The following TCF12 variants were observed in gnomAD, a reference collection of about 807,000 sequenced individuals.
The protein encoded by TCF12 is DNA-binding protein HTF4.
In TCF12, 45 loss-of-function variants were observed where a neutral mutation model predicts 86.0. That is an observed-to-expected ratio of 0.52 (90% CI 0.41 to 0.67). The LOEUF (loss-of-function observed/expected upper bound fraction) is 0.67. Among genes scored for constraint, TCF12 ranks in the 30% least tolerant of loss-of-function variants. TCF12 has a pLI of 0.00. For synonymous variants in TCF12, 330 were observed against 299.6 expected (o/e 1.10, Z -1.05); for missense variants, 881 against 859.9 (o/e 1.02, Z -0.31).
chr15:57,220,206 T>C (rs2058526534), intron 8 of TCF12, among the ~76,000 whole-genome samples: 1 of 152,220 alleles, frequency 6.6e-6, no homozygotes, highest in South Asian at 2.1e-4. Context: ...TGTTTTTATG[T>C]TTTCGTATAT....
chr15:57,007,832 C>CTT (rs1296120556), intron 3 of TCF12, among the ~76,000 whole-genome samples: 1 of 142,198 alleles, frequency 7.0e-6, no homozygotes, highest in African/African-American at 2.6e-5. Flanking sequence ...TTCTTTCTTT[C>CTT]TTTCTTTCTC....
chr15:57,056,153 G>GTGTGTT (rs1322232735), intron 3 of TCF12, among the ~76,000 whole-genome samples: 1 of 140,934 alleles, frequency 7.1e-6, no homozygotes, highest in African/African-American at 2.5e-5. Context: ...GTGTGTGTGT[G>GTGTGTT]TTTTGAGACA....
chr15:57,065,486 C>G (rs1438181281), intron 4 of TCF12, among the ~76,000 whole-genome samples: 1 of 152,100 alleles, frequency 6.6e-6, no homozygotes, highest in African/African-American at 2.4e-5. Flanking sequence ...GTGGGAAACT[C>G]ACAGTACTAC....
At position 57,273,149 on chromosome 15, in the gene TCF12, A is replaced by G. The variant is rs750539136; in HGVS notation, c.1865A>G (p.Lys622Arg). 8 of 1,614,236 alleles carry G rather than the reference A, an allele frequency of 5.0e-6. No individual in the cohort carries two copies. Among genetic ancestry groups the G allele is most frequent in the African/African-American group, 2.7e-5 (2 of 75,068 alleles). The change falls in exon 19 of 21, where the codon AAA becomes AGA. Residue 622 changes from lysine to arginine, a missense_variant. This residue lies in a region of TCF12 where 46 missense variants were observed against 76.7 expected (regional missense o/e 0.60). Transcript: ENST00000333725. ...LRVRDINEAF[K>R]ELGRMCQLHL... ...GTGCGGGATATTAATGAAGCATTCAAAGAGCTTGGCCGAATGTGTCAGCTT... is the reference window on the plus strand; with the variant it reads ...GTGCGGGATATTAATGAAGCATTCAGAGAGCTTGGCCGAATGTGTCAGCTT...
chr15:57,197,470 A>G (rs931792747), intron 7 of TCF12, among the ~76,000 whole-genome samples: 2 of 152,064 alleles, frequency 1.3e-5, no homozygotes, highest in African/African-American at 4.8e-5. Context: ...ACAGTTTCTT[A>G]AGAAATGTTC....
intron 13 of TCF12, among the ~76,000 whole-genome samples, chr15:57,244,564 A>T (rs1566975793): frequency 6.6e-6 from 1 of 152,144 alleles, no homozygotes; most frequent in African/African-American, 2.4e-5. Flanking sequence ...GGCTCAAGGG[A>T]TTCTCCTGCC....
chr15:57,144,419 T>A (rs2053212650), intron 5 of TCF12, among the ~76,000 whole-genome samples: 1 of 152,240 alleles, frequency 6.6e-6, no homozygotes, highest in African/African-American at 2.4e-5. Context: ...AATAATTTGA[T>A]GACATCTTAC....
At chr15:57,232,629 T>C in intron 10 of TCF12, 83 bp from the exon 11 acceptor site, 1 of 1,488,972 alleles carries the variant, frequency 6.7e-7, no homozygotes, top group Non-Finnish European at 9.0e-7. Context: ...AAATGCTCTT[T>C]TTGACCTGTT....
intron 13 of TCF12, chr15:57,247,554 T>C (rs1371781182): frequency 3.3e-6 from 3 of 922,430 alleles, no homozygotes; most frequent in Non-Finnish European, 5.3e-6. Context: ...AATCCTGTCT[T>C]TTTTCCACTC....
intron 3 of TCF12, among the ~76,000 whole-genome samples, chr15:56,953,485 A>G (rs2061368109): frequency 1.3e-5 from 2 of 152,066 alleles, no homozygotes; most frequent in South Asian, 2.1e-4. Flanking sequence ...TTTGATTATA[A>G]TTAGTATTAT....
At chr15:57,120,047 A>G (rs890929173) in intron 5 of TCF12, among the ~76,000 whole-genome samples, 1 of 152,168 alleles carries the variant, frequency 6.6e-6, no homozygotes, top group Non-Finnish European at 1.5e-5. Flanking sequence ...TTTCTTTCAC[A>G]TTATTCCCCC....
chr15:56,923,494 T>C (rs1810047658), intron 3 of TCF12, among the ~76,000 whole-genome samples: 1 of 152,164 alleles, frequency 6.6e-6, no homozygotes, highest in Non-Finnish European at 1.5e-5. Context: ...TCACTTGGTA[T>C]GATAGGCTCT....
intron 5 of TCF12, among the ~76,000 whole-genome samples, chr15:57,139,390 C>T (rs1716129824): frequency 6.6e-6 from 1 of 152,098 alleles, no homozygotes; most frequent in African/African-American, 2.4e-5. Flanking sequence ...ATACATATAA[C>T]TAGATTTCAG....
At position 57,226,069 on chromosome 15, in the gene TCF12, A is replaced by G; in HGVS notation, c.580-5083A>G. On this transcript the variant is annotated intron_variant, in intron 8 of 20. Coordinates refer to ENST00000333725, the MANE Select transcript of TCF12 (RefSeq NM_207037.2). ...ATAATTTAAACACTAAAAATCTTAA[A>G]ATTACCTAGTTTTTTGAATGCTGAC... Among the ~76,000 whole-genome samples the G allele has an allele frequency of 2.7e-5, 4 of 149,272 alleles. 1 individual carries two copies. The South Asian group carries it at 8.5e-4, about 32-fold the overall frequency.
At chr15:56,933,050 T>G (rs1048845830) in intron 3 of TCF12, among the ~76,000 whole-genome samples, 8 of 152,218 alleles carry the variant, frequency 5.3e-5, no homozygotes, top group African/African-American at 1.7e-4. Flanking sequence ...AATATGAAAT[T>G]TGATAGTTGG....
intron 3 of TCF12, among the ~76,000 whole-genome samples, chr15:56,947,638 A>G (rs1334252771): frequency 3.3e-5 from 5 of 152,102 alleles, no homozygotes; most frequent in Non-Finnish European, 5.9e-5. Flanking sequence ...TGTGTTTTCT[A>G]ATTTTTTAAT....
chr15:57,276,576 C>A (rs2061404870), intron 19 of TCF12, among the ~76,000 whole-genome samples: 1 of 152,004 alleles, frequency 6.6e-6, no homozygotes, highest in Non-Finnish European at 1.5e-5. Context: ...TTCTTAAATG[C>A]CCCGAAGTTA....
chr15:57,155,985 C>T (rs541688081), intron 5 of TCF12, among the ~76,000 whole-genome samples: 108 of 152,130 alleles, frequency 7.1e-4, no homozygotes, highest in Non-Finnish European at 1.1e-3. Flanking sequence ...TGTTGAGTCT[C>T]AGTAAAAAAT....
At chr15:56,986,169 A>G (rs1416954966) in intron 3 of TCF12, among the ~76,000 whole-genome samples, 2 of 152,188 alleles carry the variant, frequency 1.3e-5, no homozygotes, top group African/African-American at 4.8e-5. Context: ...GAACAGGATC[A>G]TAATTATTCT....
Sources: gnomAD v4.1 joint callset for allele counts (sites outside exome capture counted in the v4.1 genomes callset) on GRCh38, gnomAD v4.1.1 for gene constraint, gnomAD v4.1.1 regional missense constraint, MANE v1.5 for transcripts, NCBI Gene and HGNC (gene_info 2026-07-23, HGNC 2026-07-21) for gene names.